The following HCRTR2 variants were observed in gnomAD, a reference collection of about 807,000 sequenced individuals.
HCRTR2 encodes orexin receptor type 2.
A neutral mutation model predicts 49.0 loss-of-function variants in HCRTR2; 22 were observed. That is an observed-to-expected ratio of 0.45 (90% confidence interval 0.32 to 0.64). The LOEUF (loss-of-function observed/expected upper bound fraction) is 0.64. HCRTR2 is among the 30% of genes least tolerant of loss of function. The probability of loss-of-function intolerance (pLI) is 0.04; values close to 1 mark genes in which losing one functional copy is unlikely to be tolerated. For synonymous variants in HCRTR2, 236 were observed against 205.3 expected (o/e 1.15, Z -1.28); for missense variants, 491 against 559.4 (o/e 0.88, Z 1.23).
chr6:55,241,487 C>T (rs1240206119), intron 1 of HCRTR2, among the ~76,000 whole-genome samples: 2 of 151,924 alleles, frequency 1.3e-5, no homozygotes, highest in Admixed American at 6.6e-5. Context: ...ACATAACAAT[C>T]AATAAATTGT....
At chr6:55,112,162 C>A (rs575867899) in intron 1 of HCRTR2, among the ~76,000 whole-genome samples, 1 of 152,064 alleles carries the variant, frequency 6.6e-6, no homozygotes, top group South Asian at 2.1e-4. Flanking sequence ...TAAAAGCTAT[C>A]TATGACAAAT....
chr6:55,137,590 G>C (rs1404584660), intron 1 of HCRTR2, among the ~76,000 whole-genome samples: 1 of 151,976 alleles, frequency 6.6e-6, no homozygotes, highest in Non-Finnish European at 1.5e-5. Flanking sequence ...ACCTGAGAGA[G>C]TAGCTAGGTA....
chr6:55,122,072 A>G (rs1764208447), intron 1 of HCRTR2, among the ~76,000 whole-genome samples: 1 of 152,128 alleles, frequency 6.6e-6, no homozygotes, highest in African/African-American at 2.4e-5. Context: ...GGTAGAATTC[A>G]GCTGTGAATC....
At chr6:55,200,187 G>A (rs922540925) in intron 1 of HCRTR2, among the ~76,000 whole-genome samples, 48 of 133,304 alleles carry the variant, frequency 3.6e-4, no homozygotes, top group African/African-American at 1.1e-3. Flanking sequence ...TTAAAATGTC[G>A]TTTTTTTTTC....
Position 55,160,802 on chromosome 6 carries a change from G to A in HCRTR2, c.-377-13409G>A, listed in dbSNP as rs190394659. 2.5e-3 allele frequency among the ~76,000 whole-genome samples: 385 copies of A among 152,190 alleles called. 3 individuals are homozygous for A. Among genetic ancestry groups the A allele is most frequent in the African/African-American group, 9.0e-3 (373 of 41,530 alleles). On this transcript the variant is annotated intron_variant, in intron 1 of 7. Transcript: ENST00000615358. Reference sequence around the variant, plus strand: ...ACAGCTAGCTATCCTAAATATATATGCACCCAATTCAGGAGCACACAAATT... The same window carrying A: ...ACAGCTAGCTATCCTAAATATATATACACCCAATTCAGGAGCACACAAATT...
rs1438530179 is a variant in HCRTR2 at position 55,207,077 on chromosome 6, T to A, written c.223+32267T>A. ...TAACTTTCAAAATATCTTATAAATCTAAGAATCTTTGCATCTTATAAATCT... is the reference window on the plus strand; with the variant it reads ...TAACTTTCAAAATATCTTATAAATCAAAGAATCTTTGCATCTTATAAATCT... On this transcript the variant is annotated intron_variant, in intron 1 of 6. Transcript: ENST00000370862. Among the ~76,000 whole-genome samples, 2 of 151,890 alleles carry A rather than the reference T, an allele frequency of 1.3e-5. 1 individual carries two copies. Among genetic ancestry groups the A allele is most frequent in the African/African-American group, 4.8e-5 (2 of 41,472 alleles).
rs553594994 is a variant in HCRTR2 at position 55,240,963 on chromosome 6, T to C, written c.224-7676T>C. Among the ~76,000 whole-genome samples the C allele has an allele frequency of 8.6e-5, 13 of 152,016 alleles. No individual in the cohort carries two copies. The South Asian group carries it at 2.5e-3, about 29-fold the overall frequency. On this transcript the variant is annotated intron_variant, in intron 1 of 6. Coordinates refer to ENST00000370862, the MANE Select transcript of HCRTR2 (RefSeq NM_001384272.1). ...TTTATCCTTCTTTTTTTTTGTTTTC[T>C]TTTCTTTTTTTATTTTATTATTATT...
intron 5 of HCRTR2, among the ~76,000 whole-genome samples, chr6:55,279,980 A>C (rs1025100731): frequency 6.6e-5 from 10 of 152,156 alleles, no homozygotes; most frequent in African/African-American, 2.4e-4. Context: ...ACATAATAGA[A>C]TATTAATACA....
chr6:55,176,469 G>A (rs1282432731), intron 1 of HCRTR2, among the ~76,000 whole-genome samples: 1 of 151,950 alleles, frequency 6.6e-6, no homozygotes, highest in African/African-American at 2.4e-5. Context: ...AAGACACATG[G>A]CTACCAGCAT....
At chr6:55,248,923 G>A (rs960431646) in intron 2 of HCRTR2, 106 bp downstream of exon 2, 6 of 939,046 alleles carry the variant, frequency 6.4e-6, no homozygotes, top group Non-Finnish European at 1.0e-5. Flanking sequence ...ATTTGCCTAA[G>A]GCATTGACAA....
At chr6:55,147,657 T>C (rs1017141960) in intron 1 of HCRTR2, among the ~76,000 whole-genome samples, 8 of 152,224 alleles carry the variant, frequency 5.3e-5, no homozygotes, top group African/African-American at 1.7e-4. Context: ...ATAATTCATT[T>C]TGATGATCTG....
intron 1 of HCRTR2, among the ~76,000 whole-genome samples, chr6:55,180,219 T>TACTCAAAAGTTTA (rs1765107595): frequency 6.6e-6 from 1 of 152,252 alleles, no homozygotes; most frequent in Non-Finnish European, 1.5e-5. Flanking sequence ...AATGCTAACT[T>TACTCAAAAGTTTA]ACTCAAAAGT....
At chr6:55,284,117 A>G (rs967702516), downstream of HCRTR2, among the ~76,000 whole-genome samples, 2 of 152,160 alleles carry the variant, frequency 1.3e-5, no homozygotes, top group African/African-American at 2.4e-5. Context: ...GATAACTTCA[A>G]ATAACGTTGA....
intron 1 of HCRTR2, among the ~76,000 whole-genome samples, chr6:55,181,374 A>C (rs1049493627): frequency 6.6e-6 from 1 of 152,218 alleles, no homozygotes; most frequent in Non-Finnish European, 1.5e-5. Flanking sequence ...ATCGATATTT[A>C]AAATAACATT....
intron 1 of HCRTR2, among the ~76,000 whole-genome samples, chr6:55,132,360 G>A (rs1252629080): frequency 6.6e-6 from 1 of 151,878 alleles, no homozygotes; most frequent in African/African-American, 2.4e-5. Context: ...ACTGTCTGAA[G>A]TGCAGTAGCG....
intron 1 of HCRTR2, among the ~76,000 whole-genome samples, chr6:55,126,262 C>T (rs1174893266): frequency 6.6e-6 from 1 of 152,138 alleles, no homozygotes; most frequent in Non-Finnish European, 1.5e-5. Context: ...GATTTATCTA[C>T]CTTTGGTCTT....
chr6:55,196,882 C>T (rs1011463677), intron 1 of HCRTR2, among the ~76,000 whole-genome samples: 1 of 152,080 alleles, frequency 6.6e-6, no homozygotes, highest in African/African-American at 2.4e-5. Context: ...GGGTGGTCTT[C>T]CAGGAAGCCT....
chr6:55,219,266 T>C (rs3122159), intron 1 of HCRTR2, among the ~76,000 whole-genome samples: 2,976 of 152,258 alleles, frequency 0.02, 88 homozygotes, highest in African/African-American at 0.065. Flanking sequence ...TGCACACACA[T>C]ATATTATCCA....
intron 1 of HCRTR2, among the ~76,000 whole-genome samples, chr6:55,194,930 A>G (rs1765383790): frequency 6.6e-6 from 1 of 152,150 alleles, no homozygotes; most frequent in African/African-American, 2.4e-5. Flanking sequence ...ATAACAGAAG[A>G]CAAAATTAGA....
Sources: gnomAD v4.1 joint callset for allele counts (sites outside exome capture counted in the v4.1 genomes callset) on GRCh38, gnomAD v4.1.1 for gene constraint, MANE v1.5 for transcripts, NCBI Gene and HGNC (gene_info 2026-07-23, HGNC 2026-07-21) for gene names.